Variants in PRKG2 observed in about 807,000 individuals in gnomAD.
PRKG2 encodes cGMP-dependent protein kinase 2.
PRKG2 carries 33 observed loss-of-function variants against 97.2 expected under a neutral mutation model. The observed-to-expected ratio is 0.34, with a 90% CI of 0.26 to 0.45. The LOEUF is 0.45. Among genes scored for constraint, PRKG2 ranks in the 20% least tolerant of loss-of-function variants. The pLI, the probability that PRKG2 is intolerant of heterozygous loss-of-function variation, is 1.00. For missense variants in PRKG2, 638 were observed against 900.0 expected (o/e 0.71, Z 3.73); for synonymous variants, 330 against 321.8 (o/e 1.03, Z -0.27).
chr4:81,199,107 G>A (rs1753137518), intron 2 of PRKG2, among the ~76,000 whole-genome samples: 1 of 152,080 alleles, frequency 6.6e-6, no homozygotes, highest in Admixed American at 6.6e-5. Context: ...ACTGGTAAAA[G>A]CCTGTATATA....
intron 15 of PRKG2, among the ~76,000 whole-genome samples, chr4:81,108,891 T>A (rs753569630): frequency 6.6e-6 from 1 of 152,154 alleles, no homozygotes; most frequent in Non-Finnish European, 1.5e-5. Context: ...AGTGACACCG[T>A]GTCTCAACAA....
At chr4:81,187,508 T>C (rs769893599) in intron 2 of PRKG2, among the ~76,000 whole-genome samples, 4 of 152,128 alleles carry the variant, frequency 2.6e-5, no homozygotes, top group Non-Finnish European at 4.4e-5. Context: ...ACAGCTAATA[T>C]CATACTGAAT....
intron 2 of PRKG2, among the ~76,000 whole-genome samples, chr4:81,200,972 G>A (rs1753272650): frequency 6.6e-6 from 1 of 152,130 alleles, no homozygotes; most frequent in Admixed American, 6.6e-5. Context: ...TGCAGGTTGG[G>A]TGCAGCTGAC....
At chr4:81,108,996 T>C (rs1285104372) in intron 15 of PRKG2, among the ~76,000 whole-genome samples, 2 of 152,192 alleles carry the variant, frequency 1.3e-5, no homozygotes, top group Admixed American at 6.5e-5. Context: ...TGATTACCTA[T>C]AGAAGCCAGC....
intron 6 of PRKG2, among the ~76,000 whole-genome samples, chr4:81,158,856 C>T (rs1015821425): frequency 2.0e-5 from 3 of 151,756 alleles, no homozygotes; most frequent in Non-Finnish European, 4.4e-5. Flanking sequence ...GAAAGGATTC[C>T]CTATTTACTA....
At chr4:81,153,510 G>T (rs983759153) in intron 7 of PRKG2, 134 bp downstream of exon 7, 1 of 634,244 alleles carries the variant, frequency 1.6e-6, no homozygotes, top group Admixed American at 3.0e-5. Context: ...AGAATTGCAT[G>T]GGACTCTACT....
chr4:81,152,715 T>C (rs567953378), intron 7 of PRKG2, among the ~76,000 whole-genome samples: 57 of 152,340 alleles, frequency 3.7e-4, no homozygotes, highest in African/African-American at 1.3e-3. Flanking sequence ...TTTATGTATG[T>C]CACAATGAAT....
intron 17 of PRKG2, 47 bp downstream of exon 17, chr4:81,104,323 G>T: frequency 1.4e-6 from 2 of 1,387,472 alleles, no homozygotes; most frequent in Non-Finnish European, 2.0e-6. Context: ...GTACCACATT[G>T]TTCTCTAAAT....
upstream of PRKG2, among the ~76,000 whole-genome samples, chr4:81,216,159 C>T (rs1403866687): frequency 6.6e-6 from 1 of 151,994 alleles, no homozygotes; most frequent in South Asian, 2.1e-4. Context: ...GGCAGTGGGG[C>T]TCATGTAACA....
intron 8 of PRKG2, 57 bp from the exon 9 acceptor site, chr4:81,149,009 T>TAATAAAAGTGGATG: frequency 6.6e-7 from 1 of 1,510,326 alleles, no homozygotes; most frequent in African/African-American, 1.4e-5. Flanking sequence ...AAACATCCAC[T>TAATAAAAGTGGATG]TTTATTAGGG....
intron 6 of PRKG2, among the ~76,000 whole-genome samples, chr4:81,161,233 T>G (rs978574222): frequency 6.6e-6 from 1 of 152,188 alleles, no homozygotes; most frequent in Non-Finnish European, 1.5e-5. Context: ...GGAAGCATAA[T>G]ATTTTTGGAG....
At chr4:81,100,294 C>T (rs992256365) in intron 17 of PRKG2, among the ~76,000 whole-genome samples, 1 of 152,098 alleles carries the variant, frequency 6.6e-6, no homozygotes, top group African/African-American at 2.4e-5. Context: ...GGAGGCATCA[C>T]GCTACCTGAC....
At position 81,089,204 on chromosome 4, in the gene PRKG2, T is replaced by C. The variant is rs1460737130; in HGVS notation, c.*504A>G. ...TTAAAAGCAGGTGAAAGTCAGGAGG[T>C]TCTGTTGGCTACCATGGTTTCTGCA... On this transcript the variant is annotated 3_prime_UTR_variant, in exon 19 of 19. Coordinates refer to ENST00000264399, the MANE Select transcript of PRKG2 (RefSeq NM_006259.3). The C allele has an allele frequency of 6.6e-6, 1 of 152,234 alleles. No homozygotes were observed. Among genetic ancestry groups the C allele is most frequent in the Non-Finnish European group, 1.5e-5 (1 of 68,134 alleles). The allele number at this position is 152,234 out of a possible 1,614,324, so 9.4% of individuals were successfully genotyped here. A position where few individuals can be genotyped will look rare whatever the true frequency, so the allele number is the denominator to read the frequency against.
chr4:81,147,030 C>A lies in PRKG2; in HGVS notation c.1154+1854G>T, dbSNP rs143304198. ...GTTTGTCTTATCCACAGAAAATATT[C>A]ACGTAATTTTTATGTCTCATTGTGC... is the stretch of plus-strand genomic sequence containing the variant. On this transcript the variant is annotated intron_variant, in intron 9 of 18. Coordinates refer to ENST00000264399, the MANE Select transcript of PRKG2 (RefSeq NM_006259.3). Among the ~76,000 whole-genome samples, 8 of 152,210 alleles carry A rather than the reference C, an allele frequency of 5.3e-5. No individual in the cohort carries two copies. The East Asian group carries it at 1.5e-3, about 29-fold the overall frequency.
In PRKG2 at chr4:81,137,440, A is replaced by G. The variant is rs778297405; in HGVS notation, c.1587T>C (p.Leu529=). ...TFKDNKYVYM[L]LEACLGGELW... Reference sequence around the variant, plus strand: ...GCTCCCCACCTAAGCAGGCCTCCAGAAGCATGTATACATACTTATTGTCCT... The same window carrying G: ...GCTCCCCACCTAAGCAGGCCTCCAGGAGCATGTATACATACTTATTGTCCT... The change falls in exon 13 of 19, where the codon CTT becomes CTC. Residue 529 remains leucine (L), a synonymous_variant. Coordinates refer to ENST00000264399, the MANE Select transcript of PRKG2 (RefSeq NM_006259.3). 29 of 1,612,818 alleles carry G rather than the reference A, an allele frequency of 1.8e-5. 1 individual carries two copies. In the South Asian group the frequency reaches 3.2e-4, roughly 18 times the overall value.
At chr4:81,111,353 T>C (rs1743930086) in intron 14 of PRKG2, among the ~76,000 whole-genome samples, 1 of 152,164 alleles carries the variant, frequency 6.6e-6, no homozygotes, top group African/African-American at 2.4e-5. Context: ...GATACAAAGT[T>C]AACTCTCAGA....
In PRKG2 at chr4:81,120,946, T is replaced by C. The variant is rs541172756; in HGVS notation, c.1777-10335A>G. ...CTGTAGGCTTTTTGTAGATATTCTT[T>C]ATCATGTCGAGAAAGTTCTCCTCTG... On this transcript the variant is annotated intron_variant, in intron 14 of 18. Transcript: ENST00000264399. Among the ~76,000 whole-genome samples, 3 of 152,330 alleles carry C rather than the reference T, an allele frequency of 2.0e-5. No homozygotes were observed. In the South Asian group the frequency reaches 6.2e-4, roughly 32 times the overall value.
intron 14 of PRKG2, among the ~76,000 whole-genome samples, chr4:81,133,859 A>T (rs1333665789): frequency 1.3e-5 from 2 of 151,908 alleles, no homozygotes; most frequent in Non-Finnish European, 2.9e-5. Context: ...TTTTTTTTTA[A>T]AAATAGCTTT....
At chr4:81,210,052 C>G (rs531384997) in intron 1 of PRKG2, among the ~76,000 whole-genome samples, 1 of 152,078 alleles carries the variant, frequency 6.6e-6, no homozygotes, top group Non-Finnish European at 1.5e-5. Flanking sequence ...AATCTAGATA[C>G]CGATCTTATA....
Sources: allele counts gnomAD v4.1 joint callset (sites outside exome capture counted in the v4.1 genomes callset), GRCh38; gene constraint gnomAD v4.1.1; transcripts MANE v1.5; gene names NCBI Gene and HGNC (gene_info 2026-07-23, HGNC 2026-07-21).